The following SLIT3 variants were observed in gnomAD, a reference collection of about 807,000 sequenced individuals.
The protein encoded by SLIT3 is slit guidance ligand 3.
SLIT3 carries 68 observed loss-of-function variants against 184.0 expected under a neutral mutation model. The observed-to-expected ratio is 0.37, with a 90% CI of 0.30 to 0.45. SLIT3 has a LOEUF of 0.45. Among genes scored for constraint, SLIT3 ranks in the 20% least tolerant of loss-of-function variants. The probability of loss-of-function intolerance (pLI) is 1.00; values close to 1 mark genes in which losing one functional copy is unlikely to be tolerated. For synonymous variants in SLIT3, 831 were observed against 828.6 expected, an observed-to-expected ratio of 1.00 and a Z score of -0.05; for missense variants, 1,707 against 2,026.0, an observed-to-expected ratio of 0.84 and a Z score of 3.02.
intron 4 of SLIT3, among the ~76,000 whole-genome samples, chr5:169,110,728 G>A (rs1170607942): frequency 6.6e-6 from 1 of 152,088 alleles, no homozygotes; most frequent in African/African-American, 2.4e-5. Flanking sequence ...ATAACACCGG[G>A]CTACGTTATT....
At chr5:169,256,688 C>G (rs570664114) in intron 1 of SLIT3, among the ~76,000 whole-genome samples, 14 of 152,312 alleles carry the variant, frequency 9.2e-5, no homozygotes, top group African/African-American at 3.4e-4. Flanking sequence ...AGCAATGGAA[C>G]CCCATTCACA....
chr5:169,108,868 C>T (rs761570103), intron 4 of SLIT3, among the ~76,000 whole-genome samples: 25 of 152,214 alleles, frequency 1.6e-4, no homozygotes, highest in African/African-American at 5.3e-4. Context: ...GGGTACTCTA[C>T]GAATCCTGGC....
chr5:169,280,534 A>G (rs539602397), intron 1 of SLIT3, among the ~76,000 whole-genome samples: 1 of 152,276 alleles, frequency 6.6e-6, no homozygotes, highest in African/African-American at 2.4e-5. Context: ...CAGCCCAAAG[A>G]GTGGCAGAGA....
At chr5:169,091,573 A>G (rs947774815) in intron 4 of SLIT3, among the ~76,000 whole-genome samples, 1 of 152,224 alleles carries the variant, frequency 6.6e-6, no homozygotes, top group Admixed American at 6.5e-5. Context: ...ACGAAAGGAT[A>G]AGCTACCTTG....
Position 168,753,937 on chromosome 5 carries a change from G to A in SLIT3, c.1756C>T (p.Leu586=), listed in dbSNP as rs147997948. Residue 586 remains leucine (L), a synonymous_variant, in exon 17 of 36, where the codon CTG becomes TTG. Coordinates refer to ENST00000519560, the MANE Select transcript of SLIT3 (RefSeq NM_003062.4). ...AFDGAASVQE[L]MLTGNQLETV... ...TCCAGCTGGTTCCCTGTCAGCATCA[G>A]CTCCTGCACGCTGGCTGCTCCATCG... 599 of 1,611,788 alleles carry A rather than the reference G, an allele frequency of 3.7e-4. 6 individuals carry two copies. The African/African-American group carries it at 7.4e-3, about 20-fold the overall frequency.
In SLIT3 at chr5:168,768,139, G is replaced by A. The variant is rs374297906; in HGVS notation, c.1459+4642C>T. 1,421 of 506,646 alleles carry A rather than the reference G, an allele frequency of 2.8e-3. 6 individuals are homozygous for A. Among genetic ancestry groups the A allele is most frequent in the South Asian group, 5.3e-3 (362 of 68,512 alleles). The allele number at this position is 506,646 out of a possible 1,614,324, so 31.4% of individuals were successfully genotyped here. ...CCAGCGGTGGTGGCGGCGGTGGCGG[G>A]CCATGCTGCAGGAGAGCACGGTGCT... On this transcript the variant is annotated intron_variant, in intron 14 of 35. Transcript: ENST00000519560.
intron 7 of SLIT3, among the ~76,000 whole-genome samples, chr5:168,819,362 A>G (rs1757445145): frequency 6.6e-6 from 1 of 152,270 alleles, no homozygotes; most frequent in Non-Finnish European, 1.5e-5. Flanking sequence ...ATGTTGCCCA[A>G]GGAACACGGC....
At chr5:168,835,561 C>A (rs1030894023) in intron 6 of SLIT3, among the ~76,000 whole-genome samples, 1 of 151,648 alleles carries the variant, frequency 6.6e-6, no homozygotes, top group South Asian at 2.1e-4. Context: ...GTAATCCCAG[C>A]GCTTTGGGAG....
At chr5:169,049,269 G>A (rs925609347) in intron 4 of SLIT3, among the ~76,000 whole-genome samples, 2 of 152,052 alleles carry the variant, frequency 1.3e-5, no homozygotes, top group African/African-American at 4.8e-5. Context: ...TACATCTAAT[G>A]TGTGATCTAA....
intron 4 of SLIT3, among the ~76,000 whole-genome samples, chr5:169,170,633 C>T (rs1160139595): frequency 1.3e-5 from 2 of 152,156 alleles, no homozygotes; most frequent in South Asian, 4.1e-4. Context: ...GACACCAAAC[C>T]CTGTGTTGCT....
intron 5 of SLIT3, among the ~76,000 whole-genome samples, chr5:168,876,928 T>C (rs1267905222): frequency 6.6e-6 from 1 of 152,244 alleles, no homozygotes; most frequent in African/African-American, 2.4e-5. Context: ...ATAATTTTCA[T>C]ATAAAGCATT....
intron 4 of SLIT3, among the ~76,000 whole-genome samples, chr5:169,107,422 C>A (rs369413267): frequency 2.0e-5 from 3 of 152,158 alleles, no homozygotes; most frequent in East Asian, 3.9e-4. Context: ...TATCACTGGT[C>A]TTTCATTGCA....
intron 35 of SLIT3, 149 bp from the exon 36 acceptor site, chr5:168,666,838 C>T (rs1463644663): frequency 1.5e-6 from 2 of 1,304,360 alleles, no homozygotes; most frequent in Non-Finnish European, 1.1e-6. Flanking sequence ...CCCCTCCATC[C>T]ACCCATCTAT....
Position 169,124,019 on chromosome 5 carries a change from T to C in SLIT3, c.413+69460A>G, listed in dbSNP as rs114707827. Among the ~76,000 whole-genome samples, 311 of 152,308 alleles carry C rather than the reference T, an allele frequency of 2.0e-3. 3 individuals are homozygous for C. The highest frequency in any genetic ancestry group is 7.0e-3 in the African/African-American group (291 of 41,566). ...ATTCCTCTCATCAAGCAAGGGCAAT[T>C]TTTCAAGGGTTTCAGACGGAAATCA... On this transcript the variant is annotated intron_variant, in intron 4 of 35. Transcript: ENST00000519560.
At chr5:169,179,276 CTTTT>C (rs370270230) in intron 4 of SLIT3, among the ~76,000 whole-genome samples, 15 of 125,050 alleles carry the variant, frequency 1.2e-4, no homozygotes, top group African/African-American at 4.1e-4. Flanking sequence ...ATTCCTTTTT[CTTTT>C]TTTTTTTTTT....
At chr5:168,942,739 T>G (rs1310435697) in intron 4 of SLIT3, among the ~76,000 whole-genome samples, 1 of 65,016 alleles carries the variant, frequency 1.5e-5, no homozygotes, top group Non-Finnish European at 2.9e-5. Context: ...GCTGGTCTGG[T>G]TTTGCCTTTC....
intron 1 of SLIT3, among the ~76,000 whole-genome samples, chr5:169,272,984 G>C (rs1766680846): frequency 2.0e-5 from 3 of 152,130 alleles, no homozygotes; most frequent in African/African-American, 7.2e-5. Context: ...CCAGCTCATG[G>C]GTCTCAAGTA....
intron 4 of SLIT3, among the ~76,000 whole-genome samples, chr5:169,039,317 GTT>G (rs201685130): frequency 0.21 from 26,987 of 131,386 alleles, 2,812 homozygotes; most frequent in East Asian, 0.51. Context: ...TTTTTTTTGT[GTT>G]TTTTTTTTTT....
intron 4 of SLIT3, among the ~76,000 whole-genome samples, chr5:169,187,112 T>TTTTTTTG: frequency 4.3e-5 from 1 of 23,444 alleles, no homozygotes; most frequent in Admixed American, 3.6e-4. Context: ...CAGCTATAGG[T>TTTTTTTG]TTTTTTTTTT....
Sources: gnomAD v4.1 joint callset for allele counts (sites outside exome capture counted in the v4.1 genomes callset) on GRCh38, gnomAD v4.1.1 for gene constraint, MANE v1.5 for transcripts, NCBI Gene and HGNC (gene_info 2026-07-23, HGNC 2026-07-21) for gene names.